DTWD2: variants seen among roughly 807,000 people sequenced by gnomAD.
DTWD2 encodes tRNA-uridine aminocarboxypropyltransferase 2.
DTWD2 carries 39 observed loss-of-function variants against 31.8 expected under a neutral mutation model. The observed-to-expected ratio is 1.22, with a 90% confidence interval of 0.95 to 1.60. The LOEUF is 1.60. DTWD2 is among the 40% of genes most tolerant of loss of function. The pLI is 0.00. For synonymous variants in DTWD2, 180 were observed against 142.8 expected (o/e 1.26, Z -1.86); for missense variants, 515 against 381.5 (o/e 1.35, Z -2.92).
At chr5:118,923,353 T>C (rs1003368322) in intron 4 of DTWD2, among the ~76,000 whole-genome samples, 5 of 152,148 alleles carry the variant, frequency 3.3e-5, no homozygotes, top group African/African-American at 7.2e-5. Context: ...AAAGTGTTAG[T>C]TGAATGCAGA....
rs775551476 is a variant in DTWD2, at chr5:118,848,179, G to A, written c.637C>T (p.Arg213Trp). Residue 213 changes from arginine (R) to tryptophan (W), a missense_variant, in exon 5 of 6, where the codon CGG becomes TGG. Transcript: ENST00000510708. ...AGGCATCTATTAGTCGGCTGCATCC[G>A]AATTACATACTGACTAGAAATGCTA... Reference protein sequence around the residue: ...KTSISSQYVIRMQPTNRCLST... With the variant: ...KTSISSQYVIWMQPTNRCLST... 45 of 1,606,188 alleles carry A rather than the reference G, an allele frequency of 2.8e-5. No individual in the cohort carries two copies. The highest frequency in any genetic ancestry group is 9.0e-5 in the East Asian group (4 of 44,356).
Position 118,888,928 on chromosome 5 carries a change from T to C in DTWD2, c.597+39609A>G, listed in dbSNP as rs547408178. 5.8e-4 allele frequency among the ~76,000 whole-genome samples: 88 copies of C among 152,348 alleles called. 1 individual carries two copies. The highest frequency in any genetic ancestry group is 8.7e-4 in the Non-Finnish European group (59 of 68,024). Reference sequence around the variant, plus strand: ...ATAAAGTGTATGTTCAAAACTCTTATGGATTTTTAACTGAGATGTTTACTT... The same window carrying C: ...ATAAAGTGTATGTTCAAAACTCTTACGGATTTTTAACTGAGATGTTTACTT... On this transcript the variant is annotated intron_variant, in intron 4 of 5. Transcript: ENST00000510708.
chr5:118,954,479 T>C (rs576816819), intron 1 of DTWD2, among the ~76,000 whole-genome samples: 6 of 152,312 alleles, frequency 3.9e-5, no homozygotes, highest in African/African-American at 1.2e-4. Context: ...GCACCTGGCA[T>C]AGTAGGTGCT....
At chr5:118,894,370 G>A (rs780299234) in intron 4 of DTWD2, among the ~76,000 whole-genome samples, 1 of 151,842 alleles carries the variant, frequency 6.6e-6, no homozygotes, top group Non-Finnish European at 1.5e-5. Flanking sequence ...ACAGAAATGC[G>A]GAATAAAAAT....
chr5:118,974,501 T>C (rs980603546), intron 1 of DTWD2: 1 of 458,720 alleles, frequency 2.2e-6, no homozygotes, highest in African/African-American at 2.1e-5. Flanking sequence ...ACTTCTGACT[T>C]TACTTGTGGT....
intron 1 of DTWD2, among the ~76,000 whole-genome samples, chr5:118,952,469 G>C (rs1331846039): frequency 6.6e-6 from 1 of 152,158 alleles, no homozygotes; most frequent in Non-Finnish European, 1.5e-5. Flanking sequence ...TCTCCGGCAA[G>C]CAGGGGCGGG....
At chr5:118,931,967 C>T (rs1753933090) in intron 3 of DTWD2, among the ~76,000 whole-genome samples, 1 of 152,100 alleles carries the variant, frequency 6.6e-6, no homozygotes, top group South Asian at 2.1e-4. Context: ...CAACATACTT[C>T]TAAGTAAACC....
chr5:118,965,929 T>C (rs1480002443), intron 1 of DTWD2, among the ~76,000 whole-genome samples: 2 of 132,574 alleles, frequency 1.5e-5, no homozygotes, highest in African/African-American at 2.9e-5. Flanking sequence ...CCAAGAATGA[T>C]CAATAAAAAA....
chr5:118,935,948 C>G (rs1370323446), intron 3 of DTWD2, among the ~76,000 whole-genome samples: 1 of 152,142 alleles, frequency 6.6e-6, no homozygotes, highest in Non-Finnish European at 1.5e-5. Context: ...ATAGTCTTTT[C>G]TTGTGCATAT....
intron 5 of DTWD2, among the ~76,000 whole-genome samples, chr5:118,846,397 A>G (rs1459429659): frequency 6.6e-6 from 1 of 152,140 alleles, no homozygotes; most frequent in African/African-American, 2.4e-5. Flanking sequence ...TAAAGATCCA[A>G]TTCCAGTTGT....
intron 4 of DTWD2, among the ~76,000 whole-genome samples, chr5:118,898,622 G>A (rs1456710361): frequency 7.1e-6 from 1 of 141,442 alleles, no homozygotes; most frequent in Non-Finnish European, 1.5e-5. Context: ...TCATACCACT[G>A]CACTCCTGCC....
chr5:118,987,760 C>T (rs188357170), intron 1 of DTWD2, among the ~76,000 whole-genome samples: 4 of 152,294 alleles, frequency 2.6e-5, no homozygotes, highest in Admixed American at 1.3e-4. Context: ...GCTAGACACA[C>T]TGGGATATAG....
At position 118,909,328 on chromosome 5, in the gene DTWD2, G is replaced by T. The variant is rs149515665; in HGVS notation, c.597+19209C>A. ...ATGCCCCACAGTTGTGAGCACTGAG[G>T]ACCTCAAGTGTTCATAATCATGAAC... is the stretch of plus-strand genomic sequence containing the variant. On this transcript the variant is annotated intron_variant, in intron 4 of 5. Coordinates refer to ENST00000510708, the MANE Select transcript of DTWD2 (RefSeq NM_173666.4). Among the ~76,000 whole-genome samples the T allele has an allele frequency of 3.7e-3, 559 of 152,252 alleles. 8 individuals are homozygous for T. The highest frequency in any genetic ancestry group is 0.029 in the East Asian group (149 of 5,172).
intron 1 of DTWD2, among the ~76,000 whole-genome samples, chr5:118,954,183 A>C (rs1754530575): frequency 6.6e-6 from 1 of 152,172 alleles, no homozygotes; most frequent in Non-Finnish European, 1.5e-5. Flanking sequence ...AAACAGGAAG[A>C]CTGCTCATAC....
chr5:118,979,857 G>C (rs572022099), intron 1 of DTWD2, among the ~76,000 whole-genome samples: 37 of 152,224 alleles, frequency 2.4e-4, no homozygotes, highest in African/African-American at 8.9e-4. Context: ...AGGAGGGCAG[G>C]GGGTGGGAGA....
intron 1 of DTWD2, among the ~76,000 whole-genome samples, chr5:118,947,444 C>T (rs1455028796): frequency 1.3e-5 from 2 of 152,130 alleles, no homozygotes; most frequent in East Asian, 1.9e-4. Context: ...CCGACTGTCC[C>T]GAGCTGGACT....
At chr5:118,901,845 C>T (rs1753217560) in intron 4 of DTWD2, among the ~76,000 whole-genome samples, 2 of 152,062 alleles carry the variant, frequency 1.3e-5, no homozygotes, top group South Asian at 2.1e-4. Flanking sequence ...CAGGCCCAAG[C>T]GATCCTCTTG....
chr5:118,905,427 T>G (rs940913706), intron 4 of DTWD2, among the ~76,000 whole-genome samples: 11 of 152,124 alleles, frequency 7.2e-5, no homozygotes, highest in African/African-American at 2.7e-4. Flanking sequence ...CCTGTCCTGA[T>G]AAGATATAGA....
At chr5:118,847,996 C>T in intron 5 of DTWD2, 94 bp downstream of exon 5, 11 of 1,314,954 alleles carry the variant, frequency 8.4e-6, no homozygotes, top group Non-Finnish European at 1.1e-5. Flanking sequence ...CTACTTGTCA[C>T]ATGAGTTACA....
Sources: allele counts gnomAD v4.1 joint callset (sites outside exome capture counted in the v4.1 genomes callset), GRCh38; gene constraint gnomAD v4.1.1; transcripts MANE v1.5; gene names NCBI Gene and HGNC (gene_info 2026-07-23, HGNC 2026-07-21).